Variants in AGBL4 observed in about 807,000 individuals in gnomAD.
The protein encoded by AGBL4 is cytosolic carboxypeptidase 6.
Under a neutral mutation model 66.4 loss-of-function variants are expected in AGBL4, and 58 were observed. The ratio of observed to expected loss-of-function variants is 0.87; its 90% CI spans 0.71 to 1.09. The LOEUF is 1.09. Ranked by LOEUF, AGBL4 falls within the 50% of genes least tolerant of loss-of-function variation. The pLI, the probability that AGBL4 is intolerant of heterozygous loss-of-function variation, is 0.00. For missense variants in AGBL4, 579 were observed against 631.0 expected (o/e 0.92, Z 0.88); for synonymous variants, 234 against 222.9 (o/e 1.05, Z -0.44).
intron 1 of AGBL4, among the ~76,000 whole-genome samples, chr1:49,877,882 T>A (rs1191852990): frequency 6.6e-6 from 1 of 152,206 alleles, no homozygotes; most frequent in African/African-American, 2.4e-5. Context: ...CCTGGTTTAG[T>A]CTTGGGAGAG....
chr1:49,178,504 T>C (rs1646871720), intron 4 of AGBL4, among the ~76,000 whole-genome samples: 1 of 152,216 alleles, frequency 6.6e-6, no homozygotes. Context: ...ATAGTAATTA[T>C]GACAACTCTG....
At chr1:48,714,239 C>T (rs926925614) in intron 6 of AGBL4, among the ~76,000 whole-genome samples, 2 of 152,096 alleles carry the variant, frequency 1.3e-5, no homozygotes, top group Non-Finnish European at 2.9e-5. Flanking sequence ...TTGGATGTTG[C>T]TTTCAAAGTA....
intron 5 of AGBL4, among the ~76,000 whole-genome samples, chr1:49,016,030 G>C (rs938174705): frequency 6.6e-6 from 1 of 152,126 alleles, no homozygotes; most frequent in Admixed American, 6.6e-5. Context: ...CCACTTCACA[G>C]GGCTGTTAAT....
chr1:49,512,974 T>C (rs2148787112), intron 3 of AGBL4, among the ~76,000 whole-genome samples: 1 of 152,150 alleles, frequency 6.6e-6, no homozygotes. Context: ...TTTATCCTAT[T>C]CTTGAAGAAA....
intron 4 of AGBL4, among the ~76,000 whole-genome samples, chr1:49,088,452 T>C (rs1448908034): frequency 6.6e-6 from 1 of 151,964 alleles, no homozygotes; most frequent in East Asian, 1.9e-4. Flanking sequence ...TATTCTAATT[T>C]TGGGCCAAAA....
intron 3 of AGBL4, among the ~76,000 whole-genome samples, chr1:49,667,881 T>G (rs1247091756): frequency 6.6e-6 from 1 of 152,244 alleles, no homozygotes; most frequent in African/African-American, 2.4e-5. Flanking sequence ...ATTTTTGTCC[T>G]GCTCTTCCTT....
chr1:49,684,119 T>C (rs1162112260), intron 3 of AGBL4, among the ~76,000 whole-genome samples: 5 of 152,212 alleles, frequency 3.3e-5, no homozygotes, highest in Non-Finnish European at 7.3e-5. Flanking sequence ...TCTAAAGCTT[T>C]TCCCATATAT....
At chr1:49,319,754 C>T (rs1164831427) in intron 3 of AGBL4, among the ~76,000 whole-genome samples, 2 of 152,106 alleles carry the variant, frequency 1.3e-5, no homozygotes, top group Non-Finnish European at 2.9e-5. Context: ...CAGCCAGGGC[C>T]TTCCTGCTGA....
At chr1:49,605,202 C>T (rs905957708) in intron 3 of AGBL4, among the ~76,000 whole-genome samples, 34 of 152,104 alleles carry the variant, frequency 2.2e-4, no homozygotes, top group African/African-American at 7.5e-4. Context: ...GGATATACTG[C>T]TTCTCAGTCT....
At chr1:49,191,545 A>G (rs1647118955) in intron 4 of AGBL4, among the ~76,000 whole-genome samples, 1 of 152,184 alleles carries the variant, frequency 6.6e-6, no homozygotes, top group African/African-American at 2.4e-5. Flanking sequence ...TTTGGGGTAT[A>G]AATGATCCCA....
At chr1:48,565,974 A>G (rs2803271) in intron 11 of AGBL4, among the ~76,000 whole-genome samples, 64,567 of 151,936 alleles carry the variant, frequency 0.42, 14,361 homozygotes, top group Middle Eastern at 0.6. Context: ...CATACTAAGG[A>G]TATCCTAGAC....
At chr1:49,270,086 G>T (rs1644021290) in intron 3 of AGBL4, among the ~76,000 whole-genome samples, 1 of 152,148 alleles carries the variant, frequency 6.6e-6, no homozygotes, top group African/African-American at 2.4e-5. Flanking sequence ...GCAAAATTTT[G>T]ATTAACGGGA....
intron 1 of AGBL4, among the ~76,000 whole-genome samples, chr1:49,948,223 AAT>A (rs1175844387): frequency 1.4e-4 from 14 of 103,144 alleles, no homozygotes; most frequent in African/African-American, 2.9e-4. Context: ...AATATATATA[AAT>A]ATATATAAAT....
At chr1:49,786,623 CT>C (rs1169067911) in intron 2 of AGBL4, among the ~76,000 whole-genome samples, 2 of 152,146 alleles carry the variant, frequency 1.3e-5, no homozygotes, top group Non-Finnish European at 2.9e-5. Flanking sequence ...CAAAGTTTTT[CT>C]AGAGTGCCCT....
intron 1 of AGBL4, among the ~76,000 whole-genome samples, chr1:49,955,270 G>A (rs1656500342): frequency 6.6e-6 from 1 of 151,872 alleles, no homozygotes; most frequent in Non-Finnish European, 1.5e-5. Context: ...GTTTCATTGA[G>A]TATAATCAAA....
chr1:49,223,764 C>T (rs1474005132), intron 4 of AGBL4, among the ~76,000 whole-genome samples: 2 of 152,088 alleles, frequency 1.3e-5, no homozygotes, highest in Admixed American at 6.6e-5. Context: ...AATTAGGTCA[C>T]GAATACTTCT....
chr1:48,606,418 A>G (rs917859989), intron 9 of AGBL4, among the ~76,000 whole-genome samples: 36 of 152,318 alleles, frequency 2.4e-4, no homozygotes, highest in Non-Finnish European at 4.1e-4. Flanking sequence ...AAATGAAAGA[A>G]GGATTTAGAT....
intron 3 of AGBL4, among the ~76,000 whole-genome samples, chr1:49,466,024 G>C (rs371014615): frequency 1.3e-5 from 2 of 151,816 alleles, no homozygotes; most frequent in Admixed American, 6.6e-5. Flanking sequence ...CAAGGCCCAT[G>C]GTAGAGTAGC....
At chr1:49,578,522 G>T (rs1644480161) in intron 3 of AGBL4, among the ~76,000 whole-genome samples, 1 of 152,228 alleles carries the variant, frequency 6.6e-6, no homozygotes, top group African/African-American at 2.4e-5. Flanking sequence ...GACTGTAATT[G>T]TCATGAGTAT....
Sources: gnomAD v4.1 joint callset for allele counts (sites outside exome capture counted in the v4.1 genomes callset) on GRCh38, gnomAD v4.1.1 for gene constraint, MANE v1.5 for transcripts, NCBI Gene and HGNC (gene_info 2026-07-23, HGNC 2026-07-21) for gene names.